The following GSTCD variants were observed in gnomAD, a reference collection of about 807,000 sequenced individuals.
GSTCD encodes the protein glutathione S-transferase C-terminal domain containing.
In GSTCD, 44 loss-of-function variants were observed where a neutral mutation model predicts 68.3. The ratio of observed to expected loss-of-function variants is 0.64; its 90% CI spans 0.51 to 0.83. The LOEUF (loss-of-function observed/expected upper bound fraction) is 0.83. Ranked by LOEUF, GSTCD falls within the 40% of genes least tolerant of loss-of-function variation. The pLI is 0.00. For missense variants in GSTCD, 739 were observed against 735.9 expected (o/e 1.00, Z -0.05); for synonymous variants, 273 against 255.2 (o/e 1.07, Z -0.67).
At chr4:105,838,417 G>A (rs1410917222) in intron 10 of GSTCD, among the ~76,000 whole-genome samples, 3 of 152,242 alleles carry the variant, frequency 2.0e-5, no homozygotes, top group African/African-American at 4.8e-5. Context: ...TTTAGGCTAT[G>A]CTGGCCATAA....
Position 105,729,388 on chromosome 4 carries a change from G to C in GSTCD, c.1147-18G>C, listed in dbSNP as rs772514362. Reference sequence around the variant, plus strand: ...ATATTAATTCCTTAATTTAGAAAGAGGCTATTTCCTTTTCTAGGAAAAGGG... The same window carrying C: ...ATATTAATTCCTTAATTTAGAAAGACGCTATTTCCTTTTCTAGGAAAAGGG... On this transcript the variant is annotated intron_variant, in intron 4 of 11. Coordinates refer to ENST00000515279, the MANE Select transcript of GSTCD (RefSeq NM_001370181.1). The C allele has an allele frequency of 1.3e-6, 2 of 1,494,434 alleles. No homozygotes were observed. The highest frequency in any genetic ancestry group is 1.9e-6 in the Non-Finnish European group (2 of 1,078,366). 92.6% of individuals were successfully genotyped at this position (1,494,434 alleles called of 1,614,324 possible). A position where few individuals can be genotyped will look rare whatever the true frequency, so the allele number is the denominator to read the frequency against.
chr4:105,783,633 A>G (rs1735361624), intron 5 of GSTCD, among the ~76,000 whole-genome samples: 1 of 152,106 alleles, frequency 6.6e-6, no homozygotes, highest in African/African-American at 2.4e-5. Context: ...AGTTGTAGGC[A>G]CTGCACCCGT....
At position 105,726,753 on chromosome 4, in the gene GSTCD, T is replaced by A. The variant is rs779688839; in HGVS notation, c.1069T>A (p.Cys357Ser). 12 of 1,613,836 alleles carry A rather than the reference T, an allele frequency of 7.4e-6. No individual in the cohort carries two copies. The highest frequency in any genetic ancestry group is 1.0e-5 in the Non-Finnish European group (12 of 1,179,882). Residue 357 changes from cysteine (C) to serine (S), a missense_variant, in exon 4 of 12, where the codon TGT (cysteine) becomes AGT (serine). Transcript: ENST00000515279. The part of the protein sequence containing the change: ...TTSTEQHPNL[C>S]EVPGVEEQSD... ...CTCAACTGAACAGCATCCAAACTTATGTGAAGTCCCAGGTGTAGAAGAGCA... is the reference window on the plus strand; with the variant it reads ...CTCAACTGAACAGCATCCAAACTTAAGTGAAGTCCCAGGTGTAGAAGAGCA...
At chr4:105,716,384 G>A (rs1405176925) in intron 1 of GSTCD, among the ~76,000 whole-genome samples, 2 of 152,126 alleles carry the variant, frequency 1.3e-5, no homozygotes, top group Admixed American at 6.5e-5. Flanking sequence ...AAATGCAAAG[G>A]CCCTGATGTG....
At chr4:105,840,955 TATCCCA>T (rs1724307906) in intron 10 of GSTCD, among the ~76,000 whole-genome samples, 4 of 152,130 alleles carry the variant, frequency 2.6e-5, no homozygotes, top group Non-Finnish European at 5.9e-5. Flanking sequence ...CCCTGCTGGA[TATCCCA>T]GAAAACTACA....
rs1035986782 is a variant in GSTCD, at chr4:105,808,632, T to C, written c.1241-14322T>C. 1.1e-4 allele frequency among the ~76,000 whole-genome samples: 17 copies of C among 152,270 alleles called. 1 individual carries two copies. Among genetic ancestry groups the C allele is most frequent in the African/African-American group, 3.8e-4 (16 of 41,564 alleles). The stretch of plus-strand genomic sequence containing the variant: ...TGGCTACTTCTTTGATCTTCTCTTC[T>C]GCGGTCTGGAATTCACTAACTGCAG... On this transcript the variant is annotated intron_variant, in intron 5 of 11. Coordinates refer to ENST00000515279, the MANE Select transcript of GSTCD (RefSeq NM_001370181.1).
Position 105,822,949 on chromosome 4 carries a change from C to T in GSTCD, c.1241-5C>T. The T allele has an allele frequency of 6.3e-7, 1 of 1,598,598 alleles. No individual in the cohort carries two copies. The highest frequency in any genetic ancestry group is 2.2e-5 in the East Asian group (1 of 44,792). On this transcript the variant is annotated splice_polypyrimidine_tract_variant and splice_region_variant and intron_variant, in intron 5 of 11. Coordinates refer to ENST00000515279, the MANE Select transcript of GSTCD (RefSeq NM_001370181.1). ...TTTGTGTTCTTCATTTCTTGTCTTT[C>T]TCAGGTAAAATGTCCAGTGATCGAG...
chr4:105,844,841 A>G (rs918884151), intron 11 of GSTCD, among the ~76,000 whole-genome samples: 3 of 152,234 alleles, frequency 2.0e-5, no homozygotes, highest in Admixed American at 2.0e-4. Context: ...AAGATTGTAA[A>G]TGAAATACAA....
chr4:105,822,866 C>T, intron 5 of GSTCD, 88 bp from the exon 6 acceptor site: 1 of 851,558 alleles, frequency 1.2e-6, no homozygotes, highest in Non-Finnish European at 1.9e-6. Context: ...CCTCCTCCTC[C>T]TCTATGCTGG....
At chr4:105,755,087 A>T (rs923860178) in intron 5 of GSTCD, among the ~76,000 whole-genome samples, 5 of 114,338 alleles carry the variant, frequency 4.4e-5, no homozygotes, top group Non-Finnish European at 8.8e-5. Context: ...AAAAAAAAAA[A>T]AAAAAAAAAA....
At chr4:105,732,334 G>A (rs1412708815) in intron 5 of GSTCD, among the ~76,000 whole-genome samples, 1 of 152,056 alleles carries the variant, frequency 6.6e-6, no homozygotes, top group East Asian at 1.9e-4. Context: ...ACTTTTTTTG[G>A]TTGGTAGGCT....
At chr4:105,722,586 T>C (rs1369616522) in intron 3 of GSTCD, among the ~76,000 whole-genome samples, 2 of 152,044 alleles carry the variant, frequency 1.3e-5, no homozygotes, top group African/African-American at 4.8e-5. Flanking sequence ...ATATTTTATA[T>C]AGTAAGTGAT....
At chr4:105,768,442 C>G (rs1023045012) in intron 5 of GSTCD, among the ~76,000 whole-genome samples, 18 of 151,922 alleles carry the variant, frequency 1.2e-4, no homozygotes, top group Admixed American at 2.6e-4. Context: ...AAAAATTTTC[C>G]TTTAGAATTT....
chr4:105,840,134 CA>C, intron 10 of GSTCD: 1 of 442,810 alleles, frequency 2.3e-6, no homozygotes, highest in South Asian at 1.6e-5. Context: ...AACATACACA[CA>C]AATAATTCCA....
intron 5 of GSTCD, among the ~76,000 whole-genome samples, chr4:105,810,228 A>G (rs1169633753): frequency 2.0e-5 from 3 of 152,128 alleles, no homozygotes; most frequent in Non-Finnish European, 4.4e-5. Flanking sequence ...ACTCACCAAC[A>G]TCGCCCTGGT....
chr4:105,720,425 T>C (rs769482800), intron 3 of GSTCD, among the ~76,000 whole-genome samples: 1 of 152,212 alleles, frequency 6.6e-6, no homozygotes, highest in Non-Finnish European at 1.5e-5. Context: ...CACCAACAAT[T>C]CAGGTATCTC....
intron 5 of GSTCD, 39 bp downstream of exon 5, chr4:105,729,538 G>A (rs200632595): frequency 5.2e-6 from 7 of 1,340,438 alleles, no homozygotes; most frequent in African/African-American, 4.4e-5. Context: ...TTCATACTTT[G>A]GATACTGTCT....
rs1724563813 is a variant in GSTCD, at chr4:105,846,705, C to T, written c.*1128C>T. The T allele has an allele frequency of 7.5e-6, 1 of 134,024 alleles. No individual in the cohort carries two copies. The highest frequency in any genetic ancestry group is 8.0e-5 in the Admixed American group (1 of 12,466). The allele number at this position is 134,024 out of a possible 1,614,324, so 8.3% of individuals were successfully genotyped here. On this transcript the variant is annotated 3_prime_UTR_variant, in exon 12 of 12. Coordinates refer to ENST00000515279, the MANE Select transcript of GSTCD (RefSeq NM_001370181.1). Reference sequence around the variant, plus strand: ...TTTTTTTTTGAGACAGAGTTTCACTCTTGTTGCCCAGGCTGGAATTCAGTG... The same window carrying T: ...TTTTTTTTTGAGACAGAGTTTCACTTTTGTTGCCCAGGCTGGAATTCAGTG...
chr4:105,831,196 G>A (rs932949489), intron 8 of GSTCD, among the ~76,000 whole-genome samples: 4 of 152,192 alleles, frequency 2.6e-5, no homozygotes, highest in African/African-American at 9.7e-5. Flanking sequence ...ACACAGGTGG[G>A]ACTAGCCTGC....
Sources: allele counts gnomAD v4.1 joint callset (sites outside exome capture counted in the v4.1 genomes callset), GRCh38; gene constraint gnomAD v4.1.1; transcripts MANE v1.5; gene names NCBI Gene and HGNC (gene_info 2026-07-23, HGNC 2026-07-21).